Variants in CRBN observed in about 807,000 individuals in gnomAD.
CRBN encodes the protein cereblon.
A neutral mutation model predicts 62.2 loss-of-function variants in CRBN; 53 were observed. The ratio of observed to expected loss-of-function variants is 0.85; its 90% confidence interval spans 0.68 to 1.07. CRBN has a LOEUF of 1.07. CRBN is among the 50% of genes least tolerant of loss of function. CRBN has a pLI of 0.00. For missense variants in CRBN, 616 were observed against 531.1 expected (o/e 1.16, Z -1.57); for synonymous variants, 208 against 176.1 (o/e 1.18, Z -1.43).
intron 1 of CRBN, among the ~76,000 whole-genome samples, chr3:3,177,802 G>C (rs945932176): frequency 5.9e-5 from 9 of 151,938 alleles, no homozygotes; most frequent in Non-Finnish European, 1.2e-4. Flanking sequence ...CATTTGCCTA[G>C]GATAAACTCT....
chr3:3,169,845 TAAG>T (rs1490194421), intron 4 of CRBN, among the ~76,000 whole-genome samples: 1 of 152,044 alleles, frequency 6.6e-6, no homozygotes, highest in South Asian at 2.1e-4. Flanking sequence ...CTCTACATGC[TAAG>T]AAGTAGGAAC....
chr3:3,174,181 T>G lies in CRBN; in HGVS notation c.255A>C (p.Pro85=). 6.2e-7 allele frequency: 1 copy of G among 1,614,190 alleles called. No individual in the cohort carries two copies. Among genetic ancestry groups the G allele is most frequent in the Non-Finnish European group, 8.5e-7 (1 of 1,180,022 alleles). Residue 85 remains proline, a synonymous_variant, in exon 3 of 11, where the codon CCA becomes CCC. Coordinates refer to ENST00000231948, the MANE Select transcript of CRBN (RefSeq NM_016302.4). The part of the protein sequence containing the change: ...DDSCQVIPVL[P]QVMMILIPGQ... ...CGGGAATCAGGATCATCATCACTTG[T>G]GGAAGAACTGGAATCACCTGACAGC...
intron 6 of CRBN, chr3:3,155,841 C>T (rs968443238): frequency 1.6e-5 from 3 of 190,756 alleles, no homozygotes; most frequent in South Asian, 2.2e-4. Flanking sequence ...CAGTCTTGCT[C>T]TGTTGTCCAG....
In CRBN at chr3:3,150,695, A is replaced by T; in HGVS notation, c.*170T>A. 1.5e-6 allele frequency: 1 copy of T among 650,372 alleles called. No individual in the cohort carries two copies. Among genetic ancestry groups the T allele is most frequent in the Non-Finnish European group, 2.6e-6 (1 of 388,506 alleles). 40.3% of individuals were successfully genotyped at this position (650,372 alleles called of 1,614,324 possible). A position where few individuals can be genotyped will look rare whatever the true frequency, so the allele number is the denominator to read the frequency against. ...CATGCTTGTTTCCTAAAGTATACTT[A>T]AAAGTTTCAAATACAGTTTCACTTA... is the stretch of plus-strand genomic sequence containing the variant. On this transcript the variant is annotated 3_prime_UTR_variant, in exon 11 of 11. Transcript: ENST00000231948.
At chr3:3,154,659 A>C (rs1028550613) in intron 7 of CRBN, 88 bp downstream of exon 7, 1 of 781,156 alleles carries the variant, frequency 1.3e-6, no homozygotes. Flanking sequence ...CTTAAAACCT[A>C]GAAGATATGA....
Position 3,172,961 on chromosome 3 carries a change from C to T in CRBN, c.378-36G>A, listed in dbSNP as rs1366476351. ...AATTTTAAAAGGAAAGAATTTTGAA[C>T]ATTTGAGTTTTAAATATATGCAAAG... On this transcript the variant is annotated intron_variant, in intron 3 of 10. Coordinates refer to ENST00000231948, the MANE Select transcript of CRBN (RefSeq NM_016302.4). The T allele has an allele frequency of 2.5e-6, 4 of 1,575,492 alleles. No individual in the cohort carries two copies. In the African/African-American group the frequency reaches 5.4e-5, roughly 21 times the overall value.
At position 3,158,719 on chromosome 3, in the gene CRBN, A is replaced by G. The variant is rs534949630; in HGVS notation, c.688-2438T>C. ...AGTAAGGAAACAGAGGCACACAAGGATGGTATAACTTGCTCAAGGTCACAG... is the reference window on the plus strand; with the variant it reads ...AGTAAGGAAACAGAGGCACACAAGGGTGGTATAACTTGCTCAAGGTCACAG... On this transcript the variant is annotated intron_variant, in intron 5 of 10. Coordinates refer to ENST00000231948, the MANE Select transcript of CRBN (RefSeq NM_016302.4). 2.6e-5 allele frequency among the ~76,000 whole-genome samples: 4 copies of G among 152,336 alleles called. No individual in the cohort carries two copies. In the East Asian group the frequency reaches 7.7e-4, roughly 29 times the overall value.
At chr3:3,154,421 T>C in intron 7 of CRBN, 1 of 455,436 alleles carries the variant, frequency 2.2e-6, no homozygotes, top group Non-Finnish European at 3.9e-6. Context: ...GGAACTAGAC[T>C]CACTTCTTTT....
intron 3 of CRBN, chr3:3,173,833 A>G (rs1436071481): frequency 7.3e-6 from 4 of 548,434 alleles, no homozygotes; most frequent in Non-Finnish European, 1.3e-5. Context: ...AATACCAGAA[A>G]GTTAAATTGT....
chr3:3,177,283 G>A (rs564226931), intron 1 of CRBN, among the ~76,000 whole-genome samples: 1 of 152,064 alleles, frequency 6.6e-6, no homozygotes, highest in South Asian at 2.1e-4. Flanking sequence ...GTTTTCCTTT[G>A]CATATCATTA....
chr3:3,168,985 T>A (rs1347679672), intron 4 of CRBN, among the ~76,000 whole-genome samples: 1 of 152,228 alleles, frequency 6.6e-6, no homozygotes, highest in Non-Finnish European at 1.5e-5. Context: ...ACAAATAACT[T>A]GTTAATTACA....
intron 8 of CRBN, 95 bp downstream of exon 8, chr3:3,153,864 TG>T: frequency 1.3e-6 from 1 of 768,894 alleles, no homozygotes; most frequent in Non-Finnish European, 2.4e-6. Context: ...ACTACATTAC[TG>T]GACTCTATAC....
chr3:3,173,918 A>C, intron 3 of CRBN, 141 bp downstream of exon 3: 2 of 742,850 alleles, frequency 2.7e-6, no homozygotes, highest in Non-Finnish European at 4.7e-6. Flanking sequence ...TCAAACTTCT[A>C]CTTAACCAAA....
intron 5 of CRBN, among the ~76,000 whole-genome samples, chr3:3,163,035 C>A (rs994092566): frequency 1.3e-5 from 2 of 152,192 alleles, no homozygotes; most frequent in African/African-American, 4.8e-5. Flanking sequence ...TATCTGCCAT[C>A]CCCTTTCCCT....
chr3:3,157,728 G>T (rs1295291314), intron 5 of CRBN, among the ~76,000 whole-genome samples: 6 of 152,126 alleles, frequency 3.9e-5, no homozygotes, highest in Non-Finnish European at 7.4e-5. Flanking sequence ...TCACACCCTC[G>T]ACTTCCCCGC....
chr3:3,152,649 T>C, intron 9 of CRBN, 62 bp from the exon 10 acceptor site: 1 of 1,594,660 alleles, frequency 6.3e-7, no homozygotes, highest in East Asian at 2.3e-5. Flanking sequence ...TATTAAATGC[T>C]TAGAATTTTA....
chr3:3,176,593 G>A lies in CRBN; in HGVS notation c.68-1324C>T, dbSNP rs139116071. ...TCTACTAAAAACACAAAAGTTAGCC[G>A]GGTGTGGTTGTAGGTGCCTGTAATC... On this transcript the variant is annotated intron_variant, in intron 1 of 10. Transcript: ENST00000231948. Among the ~76,000 whole-genome samples, 1,357 of 152,214 alleles carry A rather than the reference G, an allele frequency of 8.9e-3. 9 individuals are homozygous for A. Among genetic ancestry groups the A allele is most frequent in the African/African-American group, 0.028 (1,176 of 41,546 alleles).
chr3:3,175,497 G>C (rs1161207846), intron 1 of CRBN, among the ~76,000 whole-genome samples: 1 of 151,900 alleles, frequency 6.6e-6, no homozygotes, highest in East Asian at 1.9e-4. Context: ...CATTTACAGA[G>C]AAGTGTAAAG....
At chr3:3,161,633 C>G (rs1321601149) in intron 5 of CRBN, among the ~76,000 whole-genome samples, 1 of 152,044 alleles carries the variant, frequency 6.6e-6, no homozygotes, top group Non-Finnish European at 1.5e-5. Flanking sequence ...GTGATCCACC[C>G]GCCTCAGCCT....
Sources: allele counts gnomAD v4.1 joint callset (sites outside exome capture counted in the v4.1 genomes callset), GRCh38; gene constraint gnomAD v4.1.1; transcripts MANE v1.5; gene names NCBI Gene and HGNC (gene_info 2026-07-23, HGNC 2026-07-21).